SERPINB1: variants seen among roughly 807,000 people sequenced by gnomAD.
SERPINB1 encodes serpin family B member 1.
Under a neutral mutation model 25.9 loss-of-function variants are expected in SERPINB1, and 23 were observed. That is an observed-to-expected ratio of 0.89 (90% confidence interval 0.64 to 1.26). The LOEUF is 1.26. Among genes scored for constraint, SERPINB1 ranks in the 50% most tolerant of loss-of-function variants. The pLI is 0.00. For missense variants in SERPINB1, 399 were observed against 463.6 expected, an observed-to-expected ratio of 0.86 and a Z score of 1.28; for synonymous variants, 178 against 178.7, an observed-to-expected ratio of 1.00 and a Z score of 0.03.
Position 2,835,859 on chromosome 6 carries a change from C to T in SERPINB1, c.732G>A (p.Lys244=). 1 of 1,612,896 alleles carries T rather than the reference C, an allele frequency of 6.2e-7. No homozygotes were observed. The highest frequency in any genetic ancestry group is 8.5e-7 in the Non-Finnish European group (1 of 1,179,430). ...GCATGAAGCCCAGGAGCCATACCTT[C>T]TTCAGGCCCGTGGACTCGTCCTCAA... ...DDIEDESTGL[K]KIEEQLTLEK... The change falls in exon 6 of 7, where the codon AAG becomes AAA. Residue 244 remains lysine (K), a synonymous_variant. Coordinates refer to ENST00000380739, the MANE Select transcript of SERPINB1 (RefSeq NM_030666.4).
chr6:2,836,809 C>T (rs1219487846), intron 4 of SERPINB1, among the ~76,000 whole-genome samples: 3 of 152,086 alleles, frequency 2.0e-5, no homozygotes, highest in African/African-American at 7.2e-5. Context: ...GAGCCACGAT[C>T]GCACCACTGC....
intron 4 of SERPINB1, among the ~76,000 whole-genome samples, chr6:2,836,691 T>C (rs1449368055): frequency 1.3e-5 from 2 of 151,992 alleles, no homozygotes; most frequent in South Asian, 4.2e-4. Flanking sequence ...TTAAACAATA[T>C]CCAAAAGGCA....
intron 2 of SERPINB1, among the ~76,000 whole-genome samples, chr6:2,839,865 C>T (rs777476412): frequency 6.6e-6 from 1 of 152,136 alleles, no homozygotes; most frequent in Non-Finnish European, 1.5e-5. Context: ...CCCTGCAGGG[C>T]GTGCTATGCC....
chr6:2,841,553 C>G lies in SERPINB1; in HGVS notation c.-9+259G>C, dbSNP rs1766654042. 2.0e-5 allele frequency: 3 copies of G among 152,624 alleles called. No individual in the cohort carries two copies. Among genetic ancestry groups the G allele is most frequent in the Admixed American group, 2.0e-4 (3 of 15,292 alleles). 9.5% of individuals were successfully genotyped at this position (152,624 alleles called of 1,614,324 possible). A position where few individuals can be genotyped will look rare whatever the true frequency, so the allele number is the denominator to read the frequency against. On this transcript the variant is annotated intron_variant, in intron 1 of 6. Transcript: ENST00000380739. This position sits in a 1 kb window ranked among gnomAD's most constrained non-coding sequence, Gnocchi z 4.5. ...AGTCTTGCCTTCCGCCTGCATCTGT[C>G]GTCCTCCCTCCCTCCCTCCCTCGCG...
At chr6:2,834,313 A>C (rs1766425517) in intron 6 of SERPINB1, among the ~76,000 whole-genome samples, 1 of 149,380 alleles carries the variant, frequency 6.7e-6, no homozygotes, top group African/African-American at 2.5e-5. Context: ...CCATCCATCC[A>C]TCCATCCATC....
chr6:2,837,696 C>T lies in SERPINB1; in HGVS notation c.424+186G>A, dbSNP rs1458446717. ...AGTTTCCACTCTGGTGAACTTCGAA[C>T]ATGTGAGAGCTGTCCAGCAACGTGC... On this transcript the variant is annotated intron_variant, in intron 4 of 6. Coordinates refer to ENST00000380739, the MANE Select transcript of SERPINB1 (RefSeq NM_030666.4). This position sits in a 1 kb window ranked among gnomAD's most constrained non-coding sequence, Gnocchi z 4.3. 3.9e-5 allele frequency among the ~76,000 whole-genome samples: 6 copies of T among 152,228 alleles called. No homozygotes were observed. Among genetic ancestry groups the T allele is most frequent in the African/African-American group, 1.4e-4 (6 of 41,454 alleles).
chr6:2,840,872 G>T (rs962767765), intron 1 of SERPINB1, among the ~76,000 whole-genome samples: 1 of 152,168 alleles, frequency 6.6e-6, no homozygotes, highest in Non-Finnish European at 1.5e-5. Context: ...GAGTCTGGGG[G>T]TGGGGCGGGG....
rs1309836175 is a variant in SERPINB1, at chr6:2,840,574, T to C, written c.13A>G (p.Ser5Gly). Residue 5 changes from serine to glycine, a missense_variant, in exon 2 of 7, where the codon AGC becomes GGC. By Grantham distance (56) the Ser-to-Gly change is moderately conservative. Coordinates refer to ENST00000380739, the MANE Select transcript of SERPINB1 (RefSeq NM_030666.4). The stretch of plus-strand genomic sequence containing the variant: ...AAGGCGAAGCGGGTGTTTGCTGAGC[T>C]CAGCTGCTCCATGGTGAAAACTGCA... MEQL[S>G]SANTRFALDL... 1 of 1,612,682 alleles carries C rather than the reference T, an allele frequency of 6.2e-7. No individual in the cohort carries two copies.
rs149020347 is a variant in SERPINB1, at chr6:2,840,968, C to T, written c.-8-374G>A. ...TCTTCCCAACCTATGTGTGGGAGCG[C>T]ACGTGCTTCTGAGCCTTTGATTCAA... On this transcript the variant is annotated intron_variant, in intron 1 of 6. Coordinates refer to ENST00000380739, the MANE Select transcript of SERPINB1 (RefSeq NM_030666.4). 5.4e-4 allele frequency among the ~76,000 whole-genome samples: 82 copies of T among 152,276 alleles called. 3 individuals carry two copies. The East Asian group carries it at 0.015, about 28-fold the overall frequency.
intron 5 of SERPINB1, 26 bp from the exon 6 acceptor site, chr6:2,836,049 A>G: frequency 6.2e-7 from 1 of 1,613,864 alleles, no homozygotes; most frequent in South Asian, 1.1e-5. Context: ...AAATCACTGA[A>G]ATTATTCTCT....
rs945399686 is a variant in SERPINB1, at chr6:2,839,335, C to G, written c.169-649G>C. The G allele has an allele frequency of 8.1e-6, 8 of 984,998 alleles. No individual in the cohort carries two copies. The African/African-American group carries it at 1.4e-4, about 17-fold the overall frequency. 61.0% of individuals were successfully genotyped at this position (984,998 alleles called of 1,614,324 possible). On this transcript the variant is annotated intron_variant, in intron 2 of 6. Coordinates refer to ENST00000380739, the MANE Select transcript of SERPINB1 (RefSeq NM_030666.4). ...AGGGTACGAAGTCCACATTACTCAC[C>G]GAGATATGGAATGTTTGCACTGTGC...
chr6:2,836,043 C>G lies in SERPINB1; in HGVS notation c.568-20G>C, dbSNP rs777262361. 17 of 1,613,744 alleles carry G rather than the reference C, an allele frequency of 1.1e-5. No homozygotes were observed. The African/African-American group carries it at 2.0e-4, about 19-fold the overall frequency. ...GTCTTTCTGAACAGTTTTAAAAAAT[C>G]ACTGAAATTATTCTCTGCATTCTTT... On this transcript the variant is annotated intron_variant, in intron 5 of 6. Transcript: ENST00000380739.
chr6:2,836,272 G>A (rs781776233), intron 4 of SERPINB1, 22 bp from the exon 5 acceptor site: 17 of 1,573,744 alleles, frequency 1.1e-5, no homozygotes, highest in African/African-American at 8.3e-5. Context: ...TCAAGTTAGC[G>A]TAAAAAAAAT....
In SERPINB1 at chr6:2,840,535, C is replaced by A. The variant is rs1424374965; in HGVS notation, c.52G>T (p.Ala18Ser). 6.2e-7 allele frequency: 1 copy of A among 1,614,164 alleles called. No homozygotes were observed. Reference protein sequence around the residue: ...NTRFALDLFLALSENNPAGNI... With the variant: ...NTRFALDLFLSLSENNPAGNI... ...CCAGCCGGATTGTTCTCACTCAACG[C>A]CAGGAACAGGTCCAAGGCGAAGCGG... The change falls in exon 2 of 7, where the codon GCG becomes TCG. Residue 18 changes from alanine (A) to serine (S), a missense_variant. Ala to Ser is a moderately conservative substitution (Grantham distance 99). Transcript: ENST00000380739.
intron 2 of SERPINB1, among the ~76,000 whole-genome samples, chr6:2,840,078 G>C (rs1281756097): frequency 6.6e-6 from 1 of 152,090 alleles, no homozygotes; most frequent in African/African-American, 2.4e-5. Flanking sequence ...GCAAAAACTG[G>C]AAGATGCTAG....
chr6:2,835,577 C>T (rs1216144580), intron 6 of SERPINB1, among the ~76,000 whole-genome samples: 1 of 152,148 alleles, frequency 6.6e-6, no homozygotes, highest in East Asian at 1.9e-4. Flanking sequence ...TGGCTCACAG[C>T]TATAGTCCCA....
In SERPINB1 at chr6:2,840,322, C is replaced by T. The variant is rs76809725; in HGVS notation, c.168+97G>A. Reference sequence around the variant, plus strand: ...TCTCATAAAAATACAGTTCTGAAAACACAAGGTAAGAGCTCAAAGGCACAA... The same window carrying T: ...TCTCATAAAAATACAGTTCTGAAAATACAAGGTAAGAGCTCAAAGGCACAA... On this transcript the variant is annotated intron_variant, in intron 2 of 6. Coordinates refer to ENST00000380739, the MANE Select transcript of SERPINB1 (RefSeq NM_030666.4). 3.0e-3 allele frequency: 4,253 copies of T among 1,416,166 alleles called. 56 individuals carry two copies. The African/African-American group carries it at 0.041, about 14-fold the overall frequency. 87.7% of individuals were successfully genotyped at this position (1,416,166 alleles called of 1,614,324 possible). A position where few individuals can be genotyped will look rare whatever the true frequency, so the allele number is the denominator to read the frequency against.
At chr6:2,836,289 C>G in intron 4 of SERPINB1, 39 bp from the exon 5 acceptor site, 1 of 1,565,728 alleles carries the variant, frequency 6.4e-7, no homozygotes, top group Non-Finnish European at 8.6e-7. Context: ...AAATCCAAAT[C>G]GGAATTCCAA....
intron 2 of SERPINB1, chr6:2,839,362 T>C: frequency 1.0e-6 from 1 of 985,174 alleles, no homozygotes; most frequent in Non-Finnish European, 1.2e-6. Flanking sequence ...GCACTGTGCC[T>C]ATGCTCCATC....
Sources: gnomAD v4.1 joint callset for allele counts (sites outside exome capture counted in the v4.1 genomes callset) on GRCh38, gnomAD v4.1.1 for gene constraint, Gnocchi (gnomAD v3.1) non-coding constraint, MANE v1.5 for transcripts, NCBI Gene and HGNC (gene_info 2026-07-23, HGNC 2026-07-21) for gene names.